TNFSF12: variants seen among roughly 807,000 people sequenced by gnomAD.
The protein encoded by TNFSF12 is TNF superfamily member 12.
In TNFSF12, 16 loss-of-function variants were observed where a neutral mutation model predicts 31.2. The ratio of observed to expected loss-of-function variants is 0.51; its 90% CI spans 0.35 to 0.78. The LOEUF (loss-of-function observed/expected upper bound fraction) is 0.78. Among genes scored for constraint, TNFSF12 ranks in the 30% least tolerant of loss-of-function variants. The pLI, the probability that TNFSF12 is intolerant of heterozygous loss-of-function variation, is 0.01. For synonymous variants in TNFSF12, 150 were observed against 151.4 expected (o/e 0.99, Z 0.07); for missense variants, 324 against 338.8 (o/e 0.96, Z 0.34).
Position 7,550,179 on chromosome 17 carries a change from T to C in TNFSF12, c.267T>C (p.Val89=). 1 of 1,614,018 alleles carries C rather than the reference T, an allele frequency of 6.2e-7. No homozygotes were observed. Among genetic ancestry groups the C allele is most frequent in the African/African-American group, 1.3e-5 (1 of 74,966 alleles). ...QDPAPFLNRL[V]RPRRSAPKGR... is the part of the protein sequence containing the mutation. Reference sequence around the variant, plus strand: ...CTGCGCCTTTCCTGAACCGACTAGTTCGGCCTCGCAGAAGTGGTGAGCATC... The same window carrying C: ...CTGCGCCTTTCCTGAACCGACTAGTCCGGCCTCGCAGAAGTGGTGAGCATC... The change falls in exon 3 of 7, where the codon GTT becomes GTC. Residue 89 remains valine, a synonymous_variant. Transcript: ENST00000293825. The surrounding 1 kb of genome is among the most constrained non-coding windows in gnomAD (Gnocchi z 4.4).
Position 7,550,751 on chromosome 17 carries a change from A to AC in TNFSF12, c.284-43dup. ...ATGGGGCTGGGAGAGTTGCTCTGGGACCCCCACTAGGGCCCGCTTTGCTCA... is the reference window on the plus strand; with the variant it reads ...ATGGGGCTGGGAGAGTTGCTCTGGGACCCCCCACTAGGGCCCGCTTTGCTCA... On this transcript the variant is annotated intron_variant, in intron 3 of 6. Transcript: ENST00000293825. This position sits in a 1 kb window ranked among gnomAD's most constrained non-coding sequence, Gnocchi z 4.4. 6.3e-7 allele frequency: 1 copy of AC among 1,586,228 alleles called. No homozygotes were observed. Among genetic ancestry groups the AC allele is most frequent in the Non-Finnish European group, 8.6e-7 (1 of 1,159,032 alleles).
chr17:7,550,216 A>G lies in TNFSF12; in HGVS notation c.283+21A>G, dbSNP rs1323886295. On this transcript the variant is annotated intron_variant, in intron 3 of 6. Transcript: ENST00000293825. The surrounding 1 kb of genome is among the most constrained non-coding windows in gnomAD (Gnocchi z 4.4). ...AAGTGGTGAGCATCCCTCTATCCCA[A>G]CCTCAGGAAGCGGGCAGAGCAAAAA... 1.2e-6 allele frequency: 2 copies of G among 1,613,988 alleles called. No individual in the cohort carries two copies. Among genetic ancestry groups the G allele is most frequent in the Non-Finnish European group, 1.7e-6 (2 of 1,179,980 alleles).
intron 5 of TNFSF12, among the ~76,000 whole-genome samples, chr17:7,556,322 T>G (rs2071065560): frequency 1.3e-5 from 2 of 152,230 alleles, no homozygotes; most frequent in Non-Finnish European, 2.9e-5. Flanking sequence ...ATAGTGTGTA[T>G]CAGTACTTCA....
Position 7,549,519 on chromosome 17 carries a change from T to A in TNFSF12, c.205T>A (p.Ser69Thr). The A allele has an allele frequency of 1.9e-6, 3 of 1,550,854 alleles. No homozygotes were observed. The highest frequency in any genetic ancestry group is 1.7e-6 in the Non-Finnish European group (2 of 1,144,992). The change falls in exon 2 of 7, where the codon TCG becomes ACG. Residue 69 changes from serine (S) to threonine (T), a missense_variant and splice_region_variant. Coordinates refer to ENST00000293825, the MANE Select transcript of TNFSF12 (RefSeq NM_003809.3). This position sits in a 1 kb window ranked among gnomAD's most constrained non-coding sequence, Gnocchi z 4.1. The stretch of plus-strand genomic sequence containing the variant: ...GGTGGCAGAGGAGGACCAGGACCCG[T>A]CGGTGAGTGGGCGTGGGCGCGGTCT... ...ELVAEEDQDP[S>T]ELNPQTEESQ...
chr17:7,553,599 C>A (rs1371624965), intron 5 of TNFSF12: 1 of 1,289,588 alleles, frequency 7.8e-7, no homozygotes, highest in South Asian at 1.2e-5. Flanking sequence ...GGAGGTTACA[C>A]AACTTGTCTG....
At position 7,557,340 on chromosome 17, in the gene TNFSF12, A is replaced by G; in HGVS notation, c.740A>G (p.Gln247Arg). Residue 247 changes from glutamine to arginine, a missense_variant, in exon 7 of 7, where the codon CAG (glutamine) becomes CGG (arginine). By Grantham distance (43) the Gln-to-Arg change is conservative. Coordinates refer to ENST00000293825, the MANE Select transcript of TNFSF12 (RefSeq NM_003809.3). The surrounding 1 kb of genome is among the most constrained non-coding windows in gnomAD (Gnocchi z 5.2). Reference sequence around the variant, plus strand: ...TTCCTCACCTACTTCGGACTCTTCCAGGTTCACTGAGGGGCCCTGGTCTCC... The same window carrying G: ...TTCCTCACCTACTTCGGACTCTTCCGGGTTCACTGAGGGGCCCTGGTCTCC... ...APFLTYFGLF[Q>R]VH 1 of 1,595,272 alleles carries G rather than the reference A, an allele frequency of 6.3e-7. No individual in the cohort carries two copies. Among genetic ancestry groups the G allele is most frequent in the Non-Finnish European group, 8.6e-7 (1 of 1,167,826 alleles).
chr17:7,555,645 G>A (rs1299036660), intron 5 of TNFSF12, among the ~76,000 whole-genome samples: 1 of 152,186 alleles, frequency 6.6e-6, no homozygotes, highest in East Asian at 1.9e-4. Context: ...CCAGACAGAG[G>A]CACCAGATGG....
In TNFSF12 at chr17:7,557,197, GGC is replaced by G; in HGVS notation, c.599_600del (p.Ala200GlufsTer91). 1 of 1,612,036 alleles carries G rather than the reference GGC, an allele frequency of 6.2e-7. No individual in the cohort carries two copies. Among genetic ancestry groups the G allele is most frequent in the Non-Finnish European group, 8.5e-7 (1 of 1,178,584 alleles). The stretch of plus-strand genomic sequence containing the variant: ...GCCTGGAGGAATTCTCAGCCACTGC[GGC>G]GAGTTCCCTCGGGCCCCAGCTCCGC... ...RCLEEFSATA[A>X]SSLGPQLRLC... is the part of the protein sequence containing the mutation. On this transcript the variant is annotated frameshift_variant, in exon 7 of 7. Transcript: ENST00000293825. LOFTEE classifies it high-confidence loss of function. The surrounding 1 kb of genome is among the most constrained non-coding windows in gnomAD (Gnocchi z 5.2).
At position 7,556,813 on chromosome 17, in the gene TNFSF12, A is replaced by G; in HGVS notation, c.409A>G (p.Arg137Gly). ...GACAGTGAGTGGCTGGGAGGAAGCC[A>G]GAATCAACAGCTCCAGCCCTCTGCG... ...DGTVSGWEEA[R>G]INSSSPLRYN... The change falls in exon 6 of 7, where the codon AGA becomes GGA. Residue 137 changes from arginine to glycine, a missense_variant. Coordinates refer to ENST00000293825, the MANE Select transcript of TNFSF12 (RefSeq NM_003809.3). The G allele has an allele frequency of 6.5e-7, 1 of 1,549,390 alleles. No homozygotes were observed. Among genetic ancestry groups the G allele is most frequent in the Non-Finnish European group, 8.7e-7 (1 of 1,146,154 alleles).
intron 6 of TNFSF12, 44 bp downstream of exon 6, chr17:7,556,946 C>G: frequency 6.6e-7 from 1 of 1,520,440 alleles, no homozygotes; most frequent in Non-Finnish European, 8.8e-7. Flanking sequence ...AAGAGAGTGG[C>G]GAAGGGTTTG....
intron 5 of TNFSF12, among the ~76,000 whole-genome samples, chr17:7,554,019 T>C (rs2071029749): frequency 2.6e-5 from 4 of 152,120 alleles, no homozygotes; most frequent in Middle Eastern, 3.2e-3. Context: ...CAGGTGAGGT[T>C]TGTGGCTGGA....
chr17:7,553,231 T>G (rs1300536420), intron 5 of TNFSF12, among the ~76,000 whole-genome samples: 1 of 151,876 alleles, frequency 6.6e-6, no homozygotes, highest in East Asian at 1.9e-4. Context: ...GTATTTTTAG[T>G]AGAGACAGGG....
At position 7,550,763 on chromosome 17, in the gene TNFSF12, G is replaced by T. The variant is rs1304393241; in HGVS notation, c.284-36G>T. 5 of 1,595,822 alleles carry T rather than the reference G, an allele frequency of 3.1e-6. No individual in the cohort carries two copies. The highest frequency in any genetic ancestry group is 4.3e-6 in the Non-Finnish European group (5 of 1,165,384). ...GAGTTGCTCTGGGACCCCCACTAGG[G>T]CCCGCTTTGCTCATCTGTCTTTCCT... On this transcript the variant is annotated intron_variant, in intron 3 of 6. Coordinates refer to ENST00000293825, the MANE Select transcript of TNFSF12 (RefSeq NM_003809.3). The surrounding 1 kb of genome is among the most constrained non-coding windows in gnomAD (Gnocchi z 4.4).
intron 5 of TNFSF12, among the ~76,000 whole-genome samples, chr17:7,551,190 T>C (rs575541167): frequency 1.3e-5 from 2 of 152,248 alleles, no homozygotes; most frequent in Admixed American, 1.3e-4. Flanking sequence ...CAAATCACTG[T>C]CCCAGCTCTC....
At position 7,549,856 on chromosome 17, in the gene TNFSF12, G is replaced by A. The variant is rs916104205; in HGVS notation, c.208-264G>A. On this transcript the variant is annotated intron_variant, in intron 2 of 6. Transcript: ENST00000293825. The surrounding 1 kb of genome is among the most constrained non-coding windows in gnomAD (Gnocchi z 4.1). Reference sequence around the variant, plus strand: ...GCGTGGTGACTGGGTGCGGGCATGTGTGCAATGTGCCAATTGAATGCAGGG... The same window carrying A: ...GCGTGGTGACTGGGTGCGGGCATGTATGCAATGTGCCAATTGAATGCAGGG... 3.3e-6 allele frequency: 2 copies of A among 614,126 alleles called. No individual in the cohort carries two copies. Among genetic ancestry groups the A allele is most frequent in the Admixed American group, 5.9e-5 (2 of 34,050 alleles). 38.0% of individuals were successfully genotyped at this position (614,126 alleles called of 1,614,324 possible).
At position 7,557,377 on chromosome 17, in the gene TNFSF12, C is replaced by T; in HGVS notation, c.*27C>T. The T allele has an allele frequency of 6.4e-7, 1 of 1,551,420 alleles. No homozygotes were observed. Among genetic ancestry groups the T allele is most frequent in the South Asian group, 1.2e-5 (1 of 82,620 alleles). On this transcript the variant is annotated 3_prime_UTR_variant, in exon 7 of 7. Coordinates refer to ENST00000293825, the MANE Select transcript of TNFSF12 (RefSeq NM_003809.3). This position sits in a 1 kb window ranked among gnomAD's most constrained non-coding sequence, Gnocchi z 5.2. ...GGGCCCTGGTCTCCCCGCAGTCGTCCCAGGCTGCCGGCTCCCCTCGACAGC... is the reference window on the plus strand; with the variant it reads ...GGGCCCTGGTCTCCCCGCAGTCGTCTCAGGCTGCCGGCTCCCCTCGACAGC...
At chr17:7,555,604 G>T (rs1307369227) in intron 5 of TNFSF12, among the ~76,000 whole-genome samples, 1 of 152,140 alleles carries the variant, frequency 6.6e-6, no homozygotes, top group African/African-American at 2.4e-5. Flanking sequence ...ACTGGAGGAA[G>T]CCAGAATGGA....
intron 5 of TNFSF12, among the ~76,000 whole-genome samples, chr17:7,554,771 C>T (rs2071041685): frequency 2.0e-5 from 3 of 147,308 alleles, no homozygotes; most frequent in Admixed American, 6.9e-5. Context: ...CCTGCCACCA[C>T]GCCTGGCTAA....
chr17:7,549,395 G>A lies in TNFSF12; in HGVS notation c.160-79G>A. Reference sequence around the variant, plus strand: ...GCCGCTGGGGGCCGCGTGGGCTGAAGGCAAGGGGAAGGGAGGATGGGTGGA... The same window carrying A: ...GCCGCTGGGGGCCGCGTGGGCTGAAAGCAAGGGGAAGGGAGGATGGGTGGA... On this transcript the variant is annotated intron_variant, in intron 1 of 6. Coordinates refer to ENST00000293825, the MANE Select transcript of TNFSF12 (RefSeq NM_003809.3). This position sits in a 1 kb window ranked among gnomAD's most constrained non-coding sequence, Gnocchi z 4.1. 7.1e-7 allele frequency: 1 copy of A among 1,415,710 alleles called. No homozygotes were observed. The highest frequency in any genetic ancestry group is 9.3e-7 in the Non-Finnish European group (1 of 1,070,372). 87.7% of individuals were successfully genotyped at this position (1,415,710 alleles called of 1,614,324 possible).
Sources: gnomAD v4.1 joint callset for allele counts (sites outside exome capture counted in the v4.1 genomes callset) on GRCh38, gnomAD v4.1.1 for gene constraint, Gnocchi (gnomAD v3.1) non-coding constraint, MANE v1.5 for transcripts, NCBI Gene and HGNC (gene_info 2026-07-23, HGNC 2026-07-21) for gene names.